SDE2: variants seen among roughly 807,000 people sequenced by gnomAD.
SDE2 encodes the protein splicing regulator SDE2.
A neutral mutation model predicts 46.9 loss-of-function variants in SDE2; 31 were observed. The ratio of observed to expected loss-of-function variants is 0.66; its 90% CI spans 0.50 to 0.89. The LOEUF (loss-of-function observed/expected upper bound fraction) is 0.89. SDE2 is among the 40% of genes least tolerant of loss of function. SDE2 has a pLI of 0.00. For synonymous variants in SDE2, 205 were observed against 204.3 expected (o/e 1.00, Z -0.03); for missense variants, 542 against 564.4 (o/e 0.96, Z 0.40).
chr1:225,985,485 G>A lies in SDE2; in HGVS notation c.1173C>T (p.Thr391=), dbSNP rs375007260. The change falls in exon 7 of 7, where the codon ACC becomes ACT. Residue 391 remains threonine (T), a synonymous_variant. Coordinates refer to ENST00000272091, the MANE Select transcript of SDE2 (RefSeq NM_152608.4). ...CCAGCAACTCCAGTTCTGCAACAGAGGTGAACGCCAATAAATCTATAGTTT... is the reference window on the plus strand; with the variant it reads ...CCAGCAACTCCAGTTCTGCAACAGAAGTGAACGCCAATAAATCTATAGTTT... ...DKETIDLLAF[T]SVAELELLGL... The A allele has an allele frequency of 2.9e-5, 46 of 1,613,584 alleles. No individual in the cohort carries two copies. The highest frequency in any genetic ancestry group is 3.3e-4 in the Middle Eastern group (2 of 6,082).
In SDE2 at chr1:225,999,179, A is replaced by G. The variant is rs1656597898; in HGVS notation, c.120+14T>C. 1.2e-6 allele frequency: 2 copies of G among 1,606,446 alleles called. No homozygotes were observed. Among genetic ancestry groups the G allele is most frequent in the Non-Finnish European group, 1.7e-6 (2 of 1,174,446 alleles). Reference sequence around the variant, plus strand: ...TGCCTCTTTCTCCTTCCTAACAGGAACCGAAATCCTCACCTGATCTTGGCA... The same window carrying G: ...TGCCTCTTTCTCCTTCCTAACAGGAGCCGAAATCCTCACCTGATCTTGGCA... On this transcript the variant is annotated intron_variant, in intron 1 of 6. Transcript: ENST00000272091.
intron 6 of SDE2, among the ~76,000 whole-genome samples, chr1:225,986,896 T>C (rs1345102225): frequency 6.6e-6 from 1 of 152,182 alleles, no homozygotes; most frequent in African/African-American, 2.4e-5. Flanking sequence ...GTAGGTTTTG[T>C]GTTTATCGAA....
In SDE2 at chr1:225,985,077, C is replaced by A; in HGVS notation, c.*225G>T. ...ATCAAACCAAAAAATGTGAATAGCC[C>A]TATATTTATTAAATACACTATAGAA... is the stretch of plus-strand genomic sequence containing the variant. On this transcript the variant is annotated 3_prime_UTR_variant, in exon 7 of 7. Transcript: ENST00000272091. 1.8e-6 allele frequency: 1 copy of A among 541,368 alleles called. No individual in the cohort carries two copies. Among genetic ancestry groups the A allele is most frequent in the Non-Finnish European group, 3.3e-6 (1 of 304,980 alleles). The allele number at this position is 541,368 out of a possible 1,614,324, so 33.5% of individuals were successfully genotyped here. A position where few individuals can be genotyped will look rare whatever the true frequency, so the allele number is the denominator to read the frequency against.
At chr1:225,988,581 TA>T (rs1201413613) in intron 5 of SDE2, among the ~76,000 whole-genome samples, 193 bp from the exon 6 acceptor site, 2 of 151,886 alleles carry the variant, frequency 1.3e-5, no homozygotes, top group African/African-American at 2.4e-5. Context: ...ATACAAAAAT[TA>T]GCCAGATGTG....
rs1413134013 is a variant in SDE2 at position 225,985,245 on chromosome 1, T to G, written c.*57A>C. The stretch of plus-strand genomic sequence containing the variant: ...AGGAATACTGGTCAAGAGTCCACAT[T>G]ATGCAGGTTGTAAATGGTAGACACT... On this transcript the variant is annotated 3_prime_UTR_variant, in exon 7 of 7. Coordinates refer to ENST00000272091, the MANE Select transcript of SDE2 (RefSeq NM_152608.4). The G allele has an allele frequency of 7.5e-7, 1 of 1,340,690 alleles. No individual in the cohort carries two copies. The highest frequency in any genetic ancestry group is 1.7e-5 in the Admixed American group (1 of 59,198). 83.0% of individuals were successfully genotyped at this position (1,340,690 alleles called of 1,614,324 possible).
At chr1:225,992,115 G>T (rs775842681) in intron 4 of SDE2, among the ~76,000 whole-genome samples, 1 of 151,556 alleles carries the variant, frequency 6.6e-6, no homozygotes, top group Non-Finnish European at 1.5e-5. Flanking sequence ...GGAGGCAGAC[G>T]TTGCAGTGAG....
intron 2 of SDE2, 81 bp downstream of exon 2, chr1:225,995,185 A>C: frequency 1.3e-6 from 1 of 749,530 alleles, no homozygotes; most frequent in Non-Finnish European, 2.3e-6. Flanking sequence ...AAAGACAGCA[A>C]ATGTCAGCAG....
At chr1:225,985,718 C>T (rs1451303499) in intron 6 of SDE2, among the ~76,000 whole-genome samples, 195 bp from the exon 7 acceptor site, 1 of 152,180 alleles carries the variant, frequency 6.6e-6, no homozygotes, top group African/African-American at 2.4e-5. Flanking sequence ...TTCATCTATA[C>T]ATTTAGAAAC....
intron 2 of SDE2, among the ~76,000 whole-genome samples, chr1:225,993,949 G>C (rs938516619): frequency 3.6e-5 from 4 of 109,794 alleles, no homozygotes; most frequent in African/African-American, 1.4e-4. Flanking sequence ...TTTTTTTTTT[G>C]TAGAGACCAA....
rs148691958 is a variant in SDE2, at chr1:225,987,604, TTATAA to T, written c.1134+287_1134+291del. 6.9e-3 allele frequency among the ~76,000 whole-genome samples: 1,054 copies of T among 152,258 alleles called. 17 individuals carry two copies. The highest frequency in any genetic ancestry group is 0.024 in the African/African-American group (999 of 41,546). On this transcript the variant is annotated intron_variant, in intron 6 of 6. Transcript: ENST00000272091. ...CTAAGAATAAACAATACCAATTAAG[TTATAA>T]TATGTTATACACATCTCATTTTAGA...
intron 1 of SDE2, among the ~76,000 whole-genome samples, chr1:225,998,969 T>C (rs1365486861): frequency 6.6e-6 from 1 of 151,884 alleles, no homozygotes; most frequent in East Asian, 1.9e-4. Context: ...CTGTAACAGT[T>C]TTTTTCTCCC....
intron 5 of SDE2, among the ~76,000 whole-genome samples, chr1:225,989,640 A>AG (rs1273707806): frequency 1.3e-5 from 2 of 152,002 alleles, no homozygotes; most frequent in African/African-American, 4.8e-5. Flanking sequence ...AAAAAAAAAA[A>AG]AAAAGAAGGA....
chr1:225,991,248 G>C lies in SDE2; in HGVS notation c.636C>G (p.Cys212Trp). 6.2e-7 allele frequency: 1 copy of C among 1,613,018 alleles called. No homozygotes were observed. The highest frequency in any genetic ancestry group is 8.5e-7 in the Non-Finnish European group (1 of 1,179,190). ...DRGASAGKRR[C>W]FWLGMEGLET... Reference sequence around the variant, plus strand: ...AACGAAAGTGAAACACTTACCAGAAGCATCTCCTCTTTCCCGCACTGGCTC... The same window carrying C: ...AACGAAAGTGAAACACTTACCAGAACCATCTCCTCTTTCCCGCACTGGCTC... Residue 212 changes from cysteine to tryptophan, a missense_variant, in exon 5 of 7, where the codon TGC (cysteine) becomes TGG (tryptophan). By Grantham distance (215) the Cys-to-Trp change is radical. This residue lies in a region of SDE2 where 401 missense variants were observed against 437.8 expected (regional missense o/e 0.92). Coordinates refer to ENST00000272091, the MANE Select transcript of SDE2 (RefSeq NM_152608.4).
In SDE2 at chr1:225,992,982, C is replaced by T; in HGVS notation, c.259G>A (p.Ala87Thr). The T allele has an allele frequency of 6.2e-7, 1 of 1,610,086 alleles. No individual in the cohort carries two copies. The highest frequency in any genetic ancestry group is 8.5e-7 in the Non-Finnish European group (1 of 1,176,412). Residue 87 changes from alanine (A) to threonine (T), a missense_variant, in exon 3 of 7, where the codon GCA becomes ACA. Transcript: ENST00000272091. ...GKGGFGSMLR[A>T]LGAQIEKTTN... ...GTCTTCTCAATCTGAGCACCAAGTG[C>T]TCGGAGCATAGATCCAAAACCTGAG...
chr1:225,993,116 T>A, intron 2 of SDE2, 114 bp from the exon 3 acceptor site: 1 of 128,302 alleles, frequency 7.8e-6, no homozygotes, highest in Non-Finnish European at 1.3e-5. Flanking sequence ...ACTTTCTTTC[T>A]TTTTTTTTTT....
rs368539263 is a variant in SDE2, at chr1:225,986,135, C to T, written c.1135-612G>A. Among the ~76,000 whole-genome samples, 8 of 152,012 alleles carry T rather than the reference C, an allele frequency of 5.3e-5. No homozygotes were observed. In the East Asian group the frequency reaches 1.3e-3, roughly 26 times the overall value. ...CTTGAGATTAGGAGTCCGAAACCAG[C>T]TTGGTCAACATGGTGAAACCCCGTC... On this transcript the variant is annotated intron_variant, in intron 6 of 6. Transcript: ENST00000272091.
At chr1:225,993,115 C>CTTTT in intron 2 of SDE2, 113 bp from the exon 3 acceptor site, 1 of 251,024 alleles carries the variant, frequency 4.0e-6, no homozygotes, top group Non-Finnish European at 7.5e-6. Context: ...TACTTTCTTT[C>CTTTT]TTTTTTTTTT....
intron 5 of SDE2, among the ~76,000 whole-genome samples, chr1:225,990,813 A>G (rs1656381529): frequency 6.6e-6 from 1 of 152,190 alleles, no homozygotes; most frequent in Non-Finnish European, 1.5e-5. Context: ...TGGACAAGAA[A>G]AAGTACTGCT....
intron 5 of SDE2, among the ~76,000 whole-genome samples, chr1:225,990,726 T>C (rs1254917942): frequency 6.6e-6 from 1 of 152,184 alleles, no homozygotes; most frequent in Non-Finnish European, 1.5e-5. Context: ...GATAAACTTA[T>C]TTTCAAGAAC....
Sources: gnomAD v4.1 joint callset for allele counts (sites outside exome capture counted in the v4.1 genomes callset) on GRCh38, gnomAD v4.1.1 for gene constraint, gnomAD v4.1.1 regional missense constraint, MANE v1.5 for transcripts, NCBI Gene and HGNC (gene_info 2026-07-23, HGNC 2026-07-21) for gene names.